Variants in ESRP1 observed in about 807,000 individuals in gnomAD.
ESRP1 encodes RNA-binding motif protein 35A.
ESRP1 carries 33 observed loss-of-function variants against 81.7 expected under a neutral mutation model. The observed-to-expected ratio is 0.40, with a 90% CI of 0.31 to 0.54. The LOEUF is 0.54. Ranked by LOEUF, ESRP1 falls within the 20% of genes least tolerant of loss-of-function variation. The probability of loss-of-function intolerance (pLI) is 0.41; values close to 1 mark genes in which losing one functional copy is unlikely to be tolerated. For synonymous variants in ESRP1, 320 were observed against 303.3 expected, an observed-to-expected ratio of 1.06 and a Z score of -0.57; for missense variants, 672 against 833.1, an observed-to-expected ratio of 0.81 and a Z score of 2.38.
intron 12 of ESRP1, among the ~76,000 whole-genome samples, chr8:94,675,385 T>G (rs1174720867): frequency 6.6e-6 from 1 of 152,218 alleles, no homozygotes. Context: ...GCACCTCACT[T>G]TCTAATAAGA....
chr8:94,681,718 C>G (rs574478137), intron 13 of ESRP1, among the ~76,000 whole-genome samples: 6 of 152,308 alleles, frequency 3.9e-5, no homozygotes, highest in African/African-American at 1.4e-4. Context: ...GCAGGCAGAT[C>G]ACGAGGTCAG....
At chr8:94,684,498 C>A (rs1024357034) in intron 13 of ESRP1, among the ~76,000 whole-genome samples, 1 of 152,144 alleles carries the variant, frequency 6.6e-6, no homozygotes, top group African/African-American at 2.4e-5. Context: ...TTAGGTTTTA[C>A]ACTGGCAAGG....
intron 2 of ESRP1, 119 bp downstream of exon 2, chr8:94,642,203 C>T: frequency 7.7e-7 from 1 of 1,298,120 alleles, no homozygotes; most frequent in Non-Finnish European, 1.0e-6. Flanking sequence ...CCTGCCCGGC[C>T]GCGTGGGTGG....
chr8:94,682,944 T>A (rs1294081797), intron 13 of ESRP1, among the ~76,000 whole-genome samples: 8 of 87,242 alleles, frequency 9.2e-5, no homozygotes, highest in Non-Finnish European at 1.8e-4. Context: ...TTTTTTTTTT[T>A]TTTTTTTTTT....
intron 4 of ESRP1, among the ~76,000 whole-genome samples, chr8:94,649,038 T>C (rs1370766941): frequency 5.3e-5 from 8 of 152,200 alleles, no homozygotes; most frequent in African/African-American, 1.2e-4. Context: ...CTTGCCAACA[T>C]GGCGAAACCC....
At chr8:94,684,630 G>T (rs750155572) in intron 13 of ESRP1, among the ~76,000 whole-genome samples, 14 of 152,102 alleles carry the variant, frequency 9.2e-5, no homozygotes, top group Admixed American at 5.2e-4. Flanking sequence ...AGATTTTTCT[G>T]CAGGGTTTCT....
intron 13 of ESRP1, among the ~76,000 whole-genome samples, chr8:94,689,811 C>CTTTTTTTTGTTTTTTTTT: frequency 1.5e-5 from 1 of 64,668 alleles, no homozygotes; most frequent in South Asian, 4.6e-4. Context: ...TGATGCCTGG[C>CTTTTTTTTGTTTTTTTTT]TTTTTTTTTT....
Position 94,671,211 on chromosome 8 carries a change from C to T in ESRP1, c.1234-242C>T, listed in dbSNP as rs59005296. On this transcript the variant is annotated intron_variant, in intron 10 of 15. Coordinates refer to ENST00000433389, the MANE Select transcript of ESRP1 (RefSeq NM_017697.4). Reference sequence around the variant, plus strand: ...GGTGTACACCTCACAGTGTATTTGACAAAAATGAGTATCATGCTTTCCCTG... The same window carrying T: ...GGTGTACACCTCACAGTGTATTTGATAAAAATGAGTATCATGCTTTCCCTG... 8.0e-3 allele frequency among the ~76,000 whole-genome samples: 1,218 copies of T among 152,286 alleles called. 7 individuals are homozygous for T. Among genetic ancestry groups the T allele is most frequent in the African/African-American group, 0.024 (1,009 of 41,568 alleles).
rs781649292 is a variant in ESRP1, at chr8:94,692,859, G to A, written c.1971+32G>A. On this transcript the variant is annotated intron_variant, in intron 14 of 15. Transcript: ENST00000433389. Reference sequence around the variant, plus strand: ...AGCTTGAAGGAGAATAATCCTCAGTGCCCTTATTACTTAAGTTGATTTGCC... The same window carrying A: ...AGCTTGAAGGAGAATAATCCTCAGTACCCTTATTACTTAAGTTGATTTGCC... 6.3e-6 allele frequency: 10 copies of A among 1,599,670 alleles called. No individual in the cohort carries two copies. The East Asian group carries it at 9.0e-5, about 14-fold the overall frequency.
chr8:94,692,703 G>T lies in ESRP1; in HGVS notation c.1847G>T (p.Gly616Val). 6.2e-7 allele frequency: 1 copy of T among 1,613,748 alleles called. No individual in the cohort carries two copies. The change falls in exon 14 of 16, where the codon GGC becomes GTC. Residue 616 changes from glycine (G) to valine (V), a missense_variant. Physicochemically the swap from Gly to Val is moderately radical, Grantham distance 109. Transcript: ENST00000433389. ...CCCCCAGGTTCGCCTAATAGTCTTG[G>T]CTACTTCCCTACAGCTGCTAATCTT... The part of the protein sequence containing the change: ...PSPPGSPNSL[G>V]YFPTAANLSG...
chr8:94,704,445 C>T (rs780120793), intron 15 of ESRP1, among the ~76,000 whole-genome samples: 1 of 151,944 alleles, frequency 6.6e-6, no homozygotes, highest in Non-Finnish European at 1.5e-5. Context: ...GAGACCCCAT[C>T]TCTAAAATAT....
At chr8:94,669,492 TAATTGA>T (rs1819196622) in intron 10 of ESRP1, among the ~76,000 whole-genome samples, 1 of 152,334 alleles carries the variant, frequency 6.6e-6, no homozygotes, top group Admixed American at 6.5e-5. Context: ...AAAATAAGTA[TAATTGA>T]AATTCTAAAT....
chr8:94,664,807 A>G lies in ESRP1; in HGVS notation c.755A>G (p.Lys252Arg). The G allele has an allele frequency of 1.2e-6, 2 of 1,613,518 alleles. No homozygotes were observed. Among genetic ancestry groups the G allele is most frequent in the Non-Finnish European group, 1.7e-6 (2 of 1,179,570 alleles). Reference protein sequence around the residue: ...ARFFKGLNIAKGGAALCLNAQ... With the variant: ...ARFFKGLNIARGGAALCLNAQ... ...TTCTTCAAAGGACTCAATATTGCCA[A>G]GTTGGTTTTCTTAAATATCTATTTT... The change falls in exon 7 of 16, where the codon AAG (lysine) becomes AGG (arginine). Residue 252 changes from lysine (K) to arginine (R), a missense_variant and splice_region_variant. Physicochemically the swap from Lys to Arg is conservative, Grantham distance 26. Coordinates refer to ENST00000433389, the MANE Select transcript of ESRP1 (RefSeq NM_017697.4).
At chr8:94,699,189 A>G (rs1163360354) in intron 15 of ESRP1, among the ~76,000 whole-genome samples, 1 of 152,226 alleles carries the variant, frequency 6.6e-6, no homozygotes, top group African/African-American at 2.4e-5. Flanking sequence ...TAAACTGACT[A>G]CGAACCATTA....
At chr8:94,667,838 G>T (rs1348626783) in intron 9 of ESRP1, 111 bp from the exon 10 acceptor site, 8 of 857,570 alleles carry the variant, frequency 9.3e-6, no homozygotes, top group Non-Finnish European at 1.3e-5. Context: ...GTAGGAGTAT[G>T]GGTCTTCATT....
At chr8:94,690,276 ATTTT>A (rs373440584) in intron 13 of ESRP1, among the ~76,000 whole-genome samples, 17 of 61,326 alleles carry the variant, frequency 2.8e-4, no homozygotes, top group South Asian at 6.7e-4. Context: ...TGCCTGGCTA[ATTTT>A]TTTTTTTTTT....
rs7010722 is a variant in ESRP1, at chr8:94,706,505, A to T, written c.*616A>T. ...TTAAATTTTAAAACACCTGAAGATAAATTAGAAGAAATTGTGCACCCTCCA... is the reference window on the plus strand; with the variant it reads ...TTAAATTTTAAAACACCTGAAGATATATTAGAAGAAATTGTGCACCCTCCA... On this transcript the variant is annotated 3_prime_UTR_variant, in exon 16 of 16. Coordinates refer to ENST00000433389, the MANE Select transcript of ESRP1 (RefSeq NM_017697.4). 105,833 of 152,606 alleles carry T rather than the reference A, an allele frequency of 0.69. 38,167 individuals are homozygous for T. The highest frequency in any genetic ancestry group is 0.91 in the African/African-American group (37,736 of 41,536). 9.5% of individuals were successfully genotyped at this position (152,606 alleles called of 1,614,324 possible).
Position 94,664,994 on chromosome 8 carries a change from A to C in ESRP1, c.823A>C (p.Ser275Arg). 6.2e-7 allele frequency: 1 copy of C among 1,613,024 alleles called. No homozygotes were observed. The highest frequency in any genetic ancestry group is 8.5e-7 in the Non-Finnish European group (1 of 1,179,612). Residue 275 changes from serine to arginine, a missense_variant, in exon 8 of 16, where the codon AGT (serine) becomes CGT (arginine). Transcript: ENST00000433389. The part of the protein sequence containing the change: ...RNGEALVRFV[S>R]EEHRDLALQR... ...CGGAGAAGCTCTGGTTAGGTTTGTA[A>C]GTGAGGAGCACCGAGACCTAGCACT...
intron 13 of ESRP1, among the ~76,000 whole-genome samples, chr8:94,686,249 A>G (rs753516491): frequency 4.6e-5 from 7 of 152,242 alleles, no homozygotes; most frequent in Admixed American, 1.3e-4. Context: ...ATATATGTAC[A>G]GAGGATATTA....
Sources: allele counts gnomAD v4.1 joint callset (sites outside exome capture counted in the v4.1 genomes callset), GRCh38; gene constraint gnomAD v4.1.1; transcripts MANE v1.5; gene names NCBI Gene and HGNC (gene_info 2026-07-23, HGNC 2026-07-21).